The following ARAP1 variants were observed in gnomAD, a reference collection of about 807,000 sequenced individuals.
ARAP1 encodes arf-GAP with Rho-GAP domain, ANK repeat and PH domain-containing protein 1.
Under a neutral mutation model 172.2 loss-of-function variants are expected in ARAP1, and 76 were observed. The ratio of observed to expected loss-of-function variants is 0.44; its 90% CI spans 0.37 to 0.53. The LOEUF is 0.53. Among genes scored for constraint, ARAP1 ranks in the 20% least tolerant of loss-of-function variants. The probability of loss-of-function intolerance (pLI) is 0.00; values close to 1 mark genes in which losing one functional copy is unlikely to be tolerated. For synonymous variants in ARAP1, 804 were observed against 803.3 expected, an observed-to-expected ratio of 1.00 and a Z score of -0.01; for missense variants, 1,686 against 1,977.5, an observed-to-expected ratio of 0.85 and a Z score of 2.80.
chr11:72,691,850 G>A (rs889137730), intron 30 of ARAP1, among the ~76,000 whole-genome samples: 8 of 152,160 alleles, frequency 5.3e-5, no homozygotes, highest in African/African-American at 1.4e-4. Context: ...TTCCATGGGT[G>A]GGGGGATGGT....
chr11:72,720,491 C>A (rs915976872), intron 3 of ARAP1, among the ~76,000 whole-genome samples: 1 of 152,130 alleles, frequency 6.6e-6, no homozygotes, highest in Admixed American at 6.5e-5. Flanking sequence ...AAGCCGGGAG[C>A]CCCTAGGGCC....
chr11:72,687,803 C>G, intron 31 of ARAP1, 65 bp from the exon 32 acceptor site: 1 of 1,584,938 alleles, frequency 6.3e-7, no homozygotes. Flanking sequence ...ACCCCAGTTC[C>G]CAGGACAGAG....
chr11:72,689,471 G>A (rs1855838786), intron 30 of ARAP1: 1 of 152,332 alleles, frequency 6.6e-6, no homozygotes, highest in African/African-American at 2.4e-5. Context: ...GTCAAAGACT[G>A]AGCCACCTCC....
intron 1 of ARAP1, among the ~76,000 whole-genome samples, chr11:72,748,070 C>G (rs1344557987): frequency 6.6e-6 from 1 of 152,218 alleles, no homozygotes; most frequent in Non-Finnish European, 1.5e-5. Context: ...TTCTTGGGAC[C>G]TCAGTTTCCT....
At position 72,705,870 on chromosome 11, in the gene ARAP1, C is replaced by T. The variant is rs369299440; in HGVS notation, c.1744G>A (p.Ala582Thr). The change falls in exon 13 of 35, where the codon GCT becomes ACT. Residue 582 changes from alanine to threonine, a missense_variant. Around this residue, in one of 5 missense-constraint regions of ARAP1, gnomAD observed 688 missense variants for 856.9 expected, o/e 0.80. Coordinates refer to ENST00000393609, the MANE Select transcript of ARAP1 (RefSeq NM_001040118.3). ...RCAGEHRGLGAGVSKVRSLKM... is the reference protein window; with the variant it reads ...RCAGEHRGLGTGVSKVRSLKM... ...AGGCTCCGCACCTTGGAGACGCCAG[C>T]GCCCAGGCCACGGTGCTCCCCTGTA... 25 of 1,614,002 alleles carry T rather than the reference C, an allele frequency of 1.5e-5. No individual in the cohort carries two copies. The African/African-American group carries it at 1.7e-4, about 11-fold the overall frequency.
At chr11:72,713,272 G>A in intron 4 of ARAP1, 29 bp from the exon 5 acceptor site, 1 of 1,607,790 alleles carries the variant, frequency 6.2e-7, no homozygotes, top group South Asian at 1.1e-5. Flanking sequence ...GGGGGCCTCA[G>A]GGCAAGGGGC....
At chr11:72,688,381 A>G in intron 31 of ARAP1, 74 bp downstream of exon 31, 1 of 1,395,638 alleles carries the variant, frequency 7.2e-7, no homozygotes. Flanking sequence ...TAAAAACCCC[A>G]GCTGTGCCTC....
Position 72,710,120 on chromosome 11 carries a change from G to T in ARAP1, c.1417-144C>A. On this transcript the variant is annotated intron_variant, in intron 10 of 34. Coordinates refer to ENST00000393609, the MANE Select transcript of ARAP1 (RefSeq NM_001040118.3). The surrounding 1 kb of genome is among the most constrained non-coding windows in gnomAD (Gnocchi z 4.3). ...AGACAGCAGGGGACATGGGAGGCTG[G>T]GCAGGGTAAGGGGCTGCAGGTTCAG... The T allele has an allele frequency of 1.2e-6, 1 of 820,120 alleles. No homozygotes were observed. The highest frequency in any genetic ancestry group is 2.0e-6 in the Non-Finnish European group (1 of 494,776). The allele number at this position is 820,120 out of a possible 1,614,324, so 50.8% of individuals were successfully genotyped here. A position where few individuals can be genotyped will look rare whatever the true frequency, so the allele number is the denominator to read the frequency against.
intron 1 of ARAP1, among the ~76,000 whole-genome samples, chr11:72,736,363 C>G (rs967737911): frequency 6.6e-6 from 1 of 151,818 alleles, no homozygotes; most frequent in Non-Finnish European, 1.5e-5. Flanking sequence ...CCACCTCCCC[C>G]TCCCCAGTAG....
chr11:72,735,952 G>C (rs2135583420), intron 1 of ARAP1, among the ~76,000 whole-genome samples: 1 of 152,288 alleles, frequency 6.6e-6, no homozygotes, highest in East Asian at 1.9e-4. Flanking sequence ...AGTGAAAACA[G>C]CCCAGGGGGC....
Position 72,694,944 on chromosome 11 carries a change from C to G in ARAP1, c.3694+36G>C, listed in dbSNP as rs926876677. On this transcript the variant is annotated intron_variant, in intron 27 of 34. Transcript: ENST00000393609. ...GGGGCTACAGCTGAGACAAGACAAG[C>G]CATACCACACCCTGCACAAGCCCAG... 6 of 1,584,634 alleles carry G rather than the reference C, an allele frequency of 3.8e-6. No individual in the cohort carries two copies. The African/African-American group carries it at 5.4e-5, about 14-fold the overall frequency.
intron 2 of ARAP1, among the ~76,000 whole-genome samples, chr11:72,732,213 A>C (rs779819853): frequency 6.6e-6 from 1 of 152,168 alleles, no homozygotes; most frequent in Non-Finnish European, 1.5e-5. Flanking sequence ...AAAGGGAACA[A>C]AACTTGCCAG....
intron 2 of ARAP1, 35 bp from the exon 3 acceptor site, chr11:72,727,207 GGCT>G: frequency 6.9e-7 from 1 of 1,452,990 alleles, no homozygotes; most frequent in Non-Finnish European, 9.1e-7. Flanking sequence ...TCAGAGGCAG[GGCT>G]GCCGAGGATT....
rs1405698696 is a variant in ARAP1 at position 72,703,065 on chromosome 11, T to G, written c.2007A>C (p.Ala669=). 6.3e-7 allele frequency: 1 copy of G among 1,584,504 alleles called. No individual in the cohort carries two copies. Among genetic ancestry groups the G allele is most frequent in the South Asian group, 1.1e-5 (1 of 88,214 alleles). ...QEELDKALCA[A]VTTTDLAETQ... ...TCTCAGCCAGGTCTGTGGTGGTGAC[T>G]GCAGCACACAGGGCCTAGGAAGAGG... Residue 669 remains alanine, a synonymous_variant, in exon 15 of 35, where the codon GCA becomes GCC. Coordinates refer to ENST00000393609, the MANE Select transcript of ARAP1 (RefSeq NM_001040118.3).
intron 1 of ARAP1, among the ~76,000 whole-genome samples, chr11:72,735,090 C>T (rs926674279): frequency 1.3e-5 from 2 of 152,028 alleles, no homozygotes; most frequent in African/African-American, 4.8e-5. Context: ...AAGCAATTAT[C>T]CCACGTCAGC....
In ARAP1 at chr11:72,711,185, C is replaced by A. The variant is rs770065948; in HGVS notation, c.1093-44G>T. ...CTATATTTTGGGACCCAGCACCTCGCTGACTCCCCCAGCCTCAGCCAAAAT... is the reference window on the plus strand; with the variant it reads ...CTATATTTTGGGACCCAGCACCTCGATGACTCCCCCAGCCTCAGCCAAAAT... On this transcript the variant is annotated intron_variant, in intron 8 of 34. Coordinates refer to ENST00000393609, the MANE Select transcript of ARAP1 (RefSeq NM_001040118.3). The A allele has an allele frequency of 4.3e-6, 7 of 1,609,766 alleles. No individual in the cohort carries two copies. In the African/African-American group the frequency reaches 6.7e-5, roughly 15 times the overall value.
Position 72,713,207 on chromosome 11 carries a change from G to C in ARAP1, c.716C>G (p.Pro239Arg). 1 of 1,613,994 alleles carries C rather than the reference G, an allele frequency of 6.2e-7. No homozygotes were observed. Among genetic ancestry groups the C allele is most frequent in the Non-Finnish European group, 8.5e-7 (1 of 1,179,934 alleles). ...GGTCATCACTCTGGCTGGGGCCCCC[G>C]GCCCCTCCTCTGGGACCTCATCGTA... ...SDYDEVPEEG[P>R]GAPARVMTKK... Residue 239 changes from proline to arginine, a missense_variant, in exon 5 of 35, where the codon CCG becomes CGG. Pro to Arg is a moderately radical substitution (Grantham distance 103, BLOSUM62 -2). Transcript: ENST00000393609.
At chr11:72,738,998 C>A (rs1320445468) in intron 1 of ARAP1, among the ~76,000 whole-genome samples, 8 of 152,162 alleles carry the variant, frequency 5.3e-5, no homozygotes, top group African/African-American at 1.9e-4. Context: ...GGGCCTTCTC[C>A]AGGCTCCGCT....
chr11:72,704,948 CT>C (rs1179783144), intron 13 of ARAP1: 1 of 152,762 alleles, frequency 6.5e-6, no homozygotes, highest in African/African-American at 2.4e-5. Context: ...CTGATTCACT[CT>C]GTGTCTTCCA....
Sources: gnomAD v4.1 joint callset for allele counts (sites outside exome capture counted in the v4.1 genomes callset) on GRCh38, gnomAD v4.1.1 for gene constraint, gnomAD v4.1.1 regional missense constraint, Gnocchi (gnomAD v3.1) non-coding constraint, MANE v1.5 for transcripts, NCBI Gene and HGNC (gene_info 2026-07-23, HGNC 2026-07-21) for gene names.